The following PRR12 variants were observed in gnomAD, a reference collection of about 807,000 sequenced individuals.
PRR12 encodes proline rich 12.
Under a neutral mutation model 138.0 loss-of-function variants are expected in PRR12, and 12 were observed. That is an observed-to-expected ratio of 0.09 (90% CI 0.06 to 0.14). The LOEUF (loss-of-function observed/expected upper bound fraction) is 0.14. Ranked by LOEUF, PRR12 falls within the 10% of genes least tolerant of loss-of-function variation. PRR12 has a pLI of 1.00. For synonymous variants in PRR12, 1,567 were observed against 1,291.7 expected, an observed-to-expected ratio of 1.21 and a Z score of -4.57; for missense variants, 2,692 against 2,861.3, an observed-to-expected ratio of 0.94 and a Z score of 1.35.
chr19:49,597,243 G>T lies in PRR12; in HGVS notation c.2908G>T (p.Asp970Tyr), dbSNP rs946594771. The T allele has an allele frequency of 2.5e-6, 4 of 1,570,934 alleles. No homozygotes were observed. Among genetic ancestry groups the T allele is most frequent in the African/African-American group, 1.3e-5 (1 of 74,230 alleles). ...DDYGKAGPPEDEGDPKAGAGP... is the reference protein window; with the variant it reads ...DDYGKAGPPEYEGDPKAGAGP... ...CTACGGCAAGGCCGGGCCACCTGAGGACGAGGGGGACCCCAAGGCTGGCGC... is the reference window on the plus strand; with the variant it reads ...CTACGGCAAGGCCGGGCCACCTGAGTACGAGGGGGACCCCAAGGCTGGCGC... The change falls in exon 4 of 14, where the codon GAC (aspartate) becomes TAC (tyrosine). Residue 970 changes from aspartate to tyrosine, a missense_variant. Physicochemically the swap from Asp to Tyr is radical, Grantham distance 160. Coordinates refer to ENST00000418929, the MANE Select transcript of PRR12 (RefSeq NM_020719.3). This position sits in a 1 kb window ranked among gnomAD's most constrained non-coding sequence, Gnocchi z 6.3.
Position 49,596,035 on chromosome 19 carries a change from C to G in PRR12, c.1700C>G (p.Pro567Arg). The G allele has an allele frequency of 2.5e-6, 4 of 1,601,498 alleles. No homozygotes were observed. The highest frequency in any genetic ancestry group is 4.5e-5 in the East Asian group (2 of 44,870). The change falls in exon 4 of 14, where the codon CCG (proline) becomes CGG (arginine). Residue 567 changes from proline (P) to arginine (R), a missense_variant. Around this residue, in one of 11 missense-constraint regions of PRR12, gnomAD observed 66 missense variants for 102.4 expected, o/e 0.64. Transcript: ENST00000418929. This position sits in a 1 kb window ranked among gnomAD's most constrained non-coding sequence, Gnocchi z 5.6. The stretch of plus-strand genomic sequence containing the variant: ...GCCAGCCCATCTCACATCATTCGTC[C>G]GCTCCAGTCACCGCCTGCCACCGGC... Reference protein sequence around the residue: ...GEASPSHIIRPLQSPPATGRP... With the variant: ...GEASPSHIIRRLQSPPATGRP...
At chr19:49,593,649 C>T (rs953834247) in intron 2 of PRR12, among the ~76,000 whole-genome samples, 1 of 152,292 alleles carries the variant, frequency 6.6e-6, no homozygotes, top group Middle Eastern at 3.4e-3. Flanking sequence ...TCGCCCCTCC[C>T]CTTTCGCTCC....
chr19:49,605,747 G>A (rs112569911), intron 6 of PRR12, among the ~76,000 whole-genome samples: 98 of 152,368 alleles, frequency 6.4e-4, no homozygotes, highest in African/African-American at 2.1e-3. Flanking sequence ...GCCAACCTGG[G>A]ATTGGAGCCA....
intron 5 of PRR12, 113 bp downstream of exon 5, chr19:49,600,051 A>G: frequency 8.6e-7 from 1 of 1,167,898 alleles, no homozygotes; most frequent in Non-Finnish European, 1.2e-6. Context: ...TACATGGTGT[A>G]AGCTTGCGTG....
chr19:49,615,128 C>A, intron 8 of PRR12, 119 bp downstream of exon 8: 1 of 1,422,846 alleles, frequency 7.0e-7, no homozygotes. Flanking sequence ...GAGACAGAGC[C>A]CAGAGAGAGA....
intron 9 of PRR12, among the ~76,000 whole-genome samples, chr19:49,618,842 A>G (rs550857586): frequency 1.3e-5 from 2 of 151,078 alleles, no homozygotes; most frequent in South Asian, 4.2e-4. Context: ...TACCTGGTCC[A>G]TCAGCCTGGA....
rs1053911580 is a variant in PRR12 at position 49,599,228 on chromosome 19, G to C, written c.3679-44G>C. 6 of 1,500,560 alleles carry C rather than the reference G, an allele frequency of 4.0e-6. No individual in the cohort carries two copies. Among genetic ancestry groups the C allele is most frequent in the Non-Finnish European group, 5.3e-6 (6 of 1,129,382 alleles). The allele number at this position is 1,500,560 out of a possible 1,614,324, so 93.0% of individuals were successfully genotyped here. ...GGGCTGAGGGAGGATGGGACTGGGG[G>C]CCCAGGCTACTGGGCCCTCACGGCC... is the stretch of plus-strand genomic sequence containing the variant. On this transcript the variant is annotated intron_variant, in intron 4 of 13. Coordinates refer to ENST00000418929, the MANE Select transcript of PRR12 (RefSeq NM_020719.3). The surrounding 1 kb of genome is among the most constrained non-coding windows in gnomAD (Gnocchi z 5.0).
At chr19:49,610,697 A>G (rs550436863) in intron 6 of PRR12, among the ~76,000 whole-genome samples, 233 of 151,904 alleles carry the variant, frequency 1.5e-3, no homozygotes, top group Admixed American at 8.7e-3. Context: ...GCCCGCCACC[A>G]CGTCCGTCTA....
At position 49,599,973 on chromosome 19, in the gene PRR12, T is replaced by C. The variant is rs1292512210; in HGVS notation, c.4345+35T>C. 1 of 1,529,282 alleles carries C rather than the reference T, an allele frequency of 6.5e-7. No individual in the cohort carries two copies. The highest frequency in any genetic ancestry group is 8.8e-7 in the Non-Finnish European group (1 of 1,134,530). The allele number at this position is 1,529,282 out of a possible 1,614,324, so 94.7% of individuals were successfully genotyped here. A position where few individuals can be genotyped will look rare whatever the true frequency, so the allele number is the denominator to read the frequency against. Reference sequence around the variant, plus strand: ...GGGCAGGTGGTCTGGGAGTAGAGCTTAAAGGTTATTATGATCACTAGGTAA... The same window carrying C: ...GGGCAGGTGGTCTGGGAGTAGAGCTCAAAGGTTATTATGATCACTAGGTAA... On this transcript the variant is annotated intron_variant, in intron 5 of 13. Transcript: ENST00000418929. The surrounding 1 kb of genome is among the most constrained non-coding windows in gnomAD (Gnocchi z 5.0).
At chr19:49,606,614 C>T (rs554202009) in intron 6 of PRR12, among the ~76,000 whole-genome samples, 149 of 151,564 alleles carry the variant, frequency 9.8e-4, no homozygotes, top group Middle Eastern at 6.8e-3. Flanking sequence ...GCCACTGTGC[C>T]CAGCCCATTT....
Position 49,614,033 on chromosome 19 carries a change from C to A in PRR12, c.4774-500C>A, listed in dbSNP as rs142373626. On this transcript the variant is annotated intron_variant, in intron 6 of 13. Transcript: ENST00000418929. The surrounding 1 kb of genome is among the most constrained non-coding windows in gnomAD (Gnocchi z 5.0). Reference sequence around the variant, plus strand: ...TGAGGCAGAAGAATCGGCTTGAACCCGGGAGGCGGAGGTCGCAGTGAGCTG... The same window carrying A: ...TGAGGCAGAAGAATCGGCTTGAACCAGGGAGGCGGAGGTCGCAGTGAGCTG... 6.6e-6 allele frequency among the ~76,000 whole-genome samples: 1 copy of A among 152,118 alleles called. No homozygotes were observed. Among genetic ancestry groups the A allele is most frequent in the Non-Finnish European group, 1.5e-5 (1 of 68,032 alleles).
intron 6 of PRR12, among the ~76,000 whole-genome samples, chr19:49,607,733 T>G (rs957014479): frequency 9.9e-4 from 148 of 149,022 alleles, no homozygotes; most frequent in African/African-American, 3.5e-3. Flanking sequence ...AAAGAAAAGC[T>G]GTTGGCCAAG....
At chr19:49,598,662 AAC>A (rs970431716) in intron 4 of PRR12, among the ~76,000 whole-genome samples, 2 of 152,086 alleles carry the variant, frequency 1.3e-5, no homozygotes, top group African/African-American at 2.4e-5. Context: ...CTCTATTAAA[AAC>A]ACAAAAATTT....
intron 6 of PRR12, among the ~76,000 whole-genome samples, chr19:49,608,810 A>G (rs537631004): frequency 6.6e-6 from 1 of 151,942 alleles, no homozygotes; most frequent in Non-Finnish European, 1.5e-5. Context: ...ACTGCACTCC[A>G]GCCTGGGTGA....
intron 9 of PRR12, among the ~76,000 whole-genome samples, chr19:49,617,053 C>T (rs949909367): frequency 7.3e-5 from 11 of 151,656 alleles, no homozygotes; most frequent in Admixed American, 7.2e-4. Context: ...ATCACTTGAA[C>T]CCGGGAGGCA....
Position 49,596,854 on chromosome 19 carries a change from C to T in PRR12, c.2519C>T (p.Pro840Leu), listed in dbSNP as rs1293239632. The T allele has an allele frequency of 3.2e-6, 5 of 1,577,532 alleles. No individual in the cohort carries two copies. In the East Asian group the frequency reaches 6.9e-5, roughly 22 times the overall value. ...DGAPQPPPPP[P>L]PPPPPMPLQL... ...GCACCCCAGCCACCTCCACCGCCAC[C>T]CCCGCCTCCACCACCCATGCCCCTG... Residue 840 changes from proline (P) to leucine (L), a missense_variant, in exon 4 of 14, where the codon CCC becomes CTC. This residue lies in a region of PRR12 where 840 missense variants were observed against 689.8 expected (regional missense o/e 1.22). Coordinates refer to ENST00000418929, the MANE Select transcript of PRR12 (RefSeq NM_020719.3). This position sits in a 1 kb window ranked among gnomAD's most constrained non-coding sequence, Gnocchi z 5.6.
chr19:49,623,321 G>C (rs917506624), intron 11 of PRR12, among the ~76,000 whole-genome samples: 2 of 152,024 alleles, frequency 1.3e-5, no homozygotes, highest in African/African-American at 4.8e-5. Flanking sequence ...TTATTAGTCG[G>C]GAGTTAGAAT....
In PRR12 at chr19:49,591,873, T is replaced by A. The variant is rs2080730360; in HGVS notation, c.86+133T>A. ...CCTCCGGCTTGCAAGGGAGCGGCCT[T>A]CCTCGGTTTGTAACAACGCCGCCGC... is the stretch of plus-strand genomic sequence containing the variant. On this transcript the variant is annotated intron_variant, in intron 1 of 13. Coordinates refer to ENST00000418929, the MANE Select transcript of PRR12 (RefSeq NM_020719.3). 1.0e-5 allele frequency: 5 copies of A among 491,672 alleles called. No individual in the cohort carries two copies. In the East Asian group the frequency reaches 1.8e-4, roughly 17 times the overall value. The allele number at this position is 491,672 out of a possible 1,614,324, so 30.5% of individuals were successfully genotyped here. A position where few individuals can be genotyped will look rare whatever the true frequency, so the allele number is the denominator to read the frequency against.
rs2080748922 is a variant in PRR12, at chr19:49,594,242, C to T, written c.200-212C>T. Among the ~76,000 whole-genome samples, 1 of 152,168 alleles carries T rather than the reference C, an allele frequency of 6.6e-6. No homozygotes were observed. Among genetic ancestry groups the T allele is most frequent in the South Asian group, 2.1e-4 (1 of 4,834 alleles). On this transcript the variant is annotated intron_variant, in intron 2 of 13. Transcript: ENST00000418929. The surrounding 1 kb of genome is among the most constrained non-coding windows in gnomAD (Gnocchi z 5.6). Reference sequence around the variant, plus strand: ...CCCTGTCCTTATGACTGGATTGCCCCTTGTCTTGCTTTACTGTCTCACCTT... The same window carrying T: ...CCCTGTCCTTATGACTGGATTGCCCTTTGTCTTGCTTTACTGTCTCACCTT...
Sources: allele counts gnomAD v4.1 joint callset (sites outside exome capture counted in the v4.1 genomes callset), GRCh38; gene constraint gnomAD v4.1.1; regional missense constraint gnomAD v4.1.1; non-coding constraint Gnocchi (gnomAD v3.1); transcripts MANE v1.5; gene names NCBI Gene and HGNC (gene_info 2026-07-23, HGNC 2026-07-21).